Variants in DRC11 observed in about 807,000 individuals in gnomAD.
DRC11 encodes IQ and AAA domain-containing protein 1.
the DRC11 span, among the ~76,000 whole-genome samples, chr2:236,356,731 C>T: frequency 2.0e-4 from 30 of 151,814 alleles, no homozygotes; most frequent in South Asian, 4.2e-4. Flanking sequence ...CTTCCCGCTC[C>T]GCTGTCCCCT....
At chr2:236,357,154 G>GTATTCATATGTATCTGTATATTATA in the DRC11 span, among the ~76,000 whole-genome samples, 1 of 72,444 alleles carries the variant, frequency 1.4e-5, no homozygotes, top group Non-Finnish European at 2.3e-5. Context: ...TATATATTAT[G>GTATTCATATGTATCTGTATATTATA]TATTCATATA....
chr2:236,365,897 G>C, the DRC11 span, among the ~76,000 whole-genome samples: 1 of 152,068 alleles, frequency 6.6e-6, no homozygotes, highest in Non-Finnish European at 1.5e-5. This position sits in a 1 kb window ranked among gnomAD's most constrained non-coding sequence, Gnocchi z 7.4. Flanking sequence ...TCCAGTTTTC[G>C]CACCTGAGCC....
At chr2:236,358,278 T>G in the DRC11 span, among the ~76,000 whole-genome samples, 37 of 131,280 alleles carry the variant, frequency 2.8e-4, no homozygotes, top group African/African-American at 1.0e-3. Context: ...AATATATAGA[T>G]ATATATACTA....
At chr2:236,388,498 G>C in the DRC11 span, among the ~76,000 whole-genome samples, 3 of 151,766 alleles carry the variant, frequency 2.0e-5, no homozygotes, top group Non-Finnish European at 4.4e-5. Flanking sequence ...CTCGAGCCTT[G>C]GTTTTCAGCT....
At chr2:236,483,903 T>C in the DRC11 span, among the ~76,000 whole-genome samples, 1 of 152,228 alleles carries the variant, frequency 6.6e-6, no homozygotes, top group African/African-American at 2.4e-5. This position sits in a 1 kb window ranked among gnomAD's most constrained non-coding sequence, Gnocchi z 4.8. Flanking sequence ...TGAATATTTA[T>C]ACAAGAAGAC....
At chr2:236,501,900 A>T in the DRC11 span, among the ~76,000 whole-genome samples, 1 of 152,334 alleles carries the variant, frequency 6.6e-6, no homozygotes, top group African/African-American at 2.4e-5. Context: ...TGTTCCCTCT[A>T]ACCCAGGAGG....
At chr2:236,440,946 C>A in the DRC11 span, 1 of 733,564 alleles carries the variant, frequency 1.4e-6, no homozygotes, top group Non-Finnish European at 2.3e-6. Flanking sequence ...AGGAAAATAA[C>A]CAAGACCTAA....
the DRC11 span, among the ~76,000 whole-genome samples, chr2:236,341,301 C>A: frequency 1.3e-5 from 2 of 152,214 alleles, no homozygotes; most frequent in African/African-American, 4.8e-5. Context: ...CCGCCTTCAC[C>A]TCAGATACAA....
chr2:236,432,141 A>C, the DRC11 span, among the ~76,000 whole-genome samples: 1 of 152,050 alleles, frequency 6.6e-6, no homozygotes, highest in Non-Finnish European at 1.5e-5. Context: ...ATAGCATTAC[A>C]TTTCCATTTT....
At chr2:236,398,500 G>A in the DRC11 span, among the ~76,000 whole-genome samples, 2 of 152,190 alleles carry the variant, frequency 1.3e-5, no homozygotes, top group Admixed American at 1.3e-4. This position sits in a 1 kb window ranked among gnomAD's most constrained non-coding sequence, Gnocchi z 6.2. Flanking sequence ...GGCCACGAAT[G>A]ACTGCCATTT....
At chr2:236,396,282 G>T in the DRC11 span, among the ~76,000 whole-genome samples, 1 of 114,352 alleles carries the variant, frequency 8.7e-6, no homozygotes, top group Non-Finnish European at 1.8e-5. Flanking sequence ...TTCACACGTG[G>T]GGGGGCAATG....
At chr2:236,462,563 C>T in the DRC11 span, among the ~76,000 whole-genome samples, 1 of 152,014 alleles carries the variant, frequency 6.6e-6, no homozygotes, top group African/African-American at 2.4e-5. The surrounding 1 kb of genome is among the most constrained non-coding windows in gnomAD (Gnocchi z 6.4). Context: ...CCCAGCTACT[C>T]GGGAGGCTGA....
At chr2:236,318,634 TTG>T in the DRC11 span, among the ~76,000 whole-genome samples, 6 of 131,776 alleles carry the variant, frequency 4.6e-5, no homozygotes, top group Non-Finnish European at 7.7e-5. This position sits in a 1 kb window ranked among gnomAD's most constrained non-coding sequence, Gnocchi z 7.0. Flanking sequence ...CATATATCGT[TTG>T]TGTTTGTATG....
chr2:236,492,307 G>A, the DRC11 span, among the ~76,000 whole-genome samples: 5 of 152,184 alleles, frequency 3.3e-5, no homozygotes, highest in African/African-American at 4.8e-5. Flanking sequence ...TAAGGGAGAA[G>A]AACAAGCCCT....
the DRC11 span, among the ~76,000 whole-genome samples, chr2:236,474,373 A>G: frequency 6.6e-6 from 1 of 152,210 alleles, no homozygotes; most frequent in Non-Finnish European, 1.5e-5. Flanking sequence ...AGTTAAAAGC[A>G]TGTAATTCTA....
the DRC11 span, among the ~76,000 whole-genome samples, chr2:236,355,424 A>C: frequency 6.6e-6 from 1 of 152,348 alleles, no homozygotes; most frequent in South Asian, 2.1e-4. Flanking sequence ...TCTGCAGCCT[A>C]TGTGCATGTC....
chr2:236,347,067 G>GC, the DRC11 span, among the ~76,000 whole-genome samples: 1 of 152,178 alleles, frequency 6.6e-6, no homozygotes, highest in Non-Finnish European at 1.5e-5. Flanking sequence ...GAGAAGGGAC[G>GC]CAAGACCCCA....
the DRC11 span, among the ~76,000 whole-genome samples, chr2:236,375,128 G>A: frequency 5.3e-4 from 80 of 152,058 alleles, no homozygotes; most frequent in African/African-American, 1.7e-3. This position sits in a 1 kb window ranked among gnomAD's most constrained non-coding sequence, Gnocchi z 4.2. Flanking sequence ...ACAAGGCCCC[G>A]TCTCCAGTAC....
the DRC11 span, among the ~76,000 whole-genome samples, chr2:236,401,462 C>T: frequency 6.6e-6 from 1 of 152,202 alleles, no homozygotes; most frequent in Non-Finnish European, 1.5e-5. This position sits in a 1 kb window ranked among gnomAD's most constrained non-coding sequence, Gnocchi z 4.6. Context: ...GCCCTGGGGC[C>T]TGGCCACTTG....
Sources: allele counts gnomAD v4.1 joint callset (sites outside exome capture counted in the v4.1 genomes callset), GRCh38; gene constraint gnomAD v4.1.1; non-coding constraint Gnocchi (gnomAD v3.1); transcripts MANE v1.5; gene names NCBI Gene and HGNC (gene_info 2026-07-23, HGNC 2026-07-21).